The following CYRIB variants were observed in gnomAD, a reference collection of about 807,000 sequenced individuals.
The protein encoded by CYRIB is CYFIP related Rac1 interactor B, also known as CYFIP-related Rac1 interactor B.
CYRIB carries 8 observed loss-of-function variants against 44.2 expected under a neutral mutation model. The observed-to-expected ratio is 0.18, with a 90% CI of 0.11 to 0.33. The LOEUF is 0.33. CYRIB is among the 10% of genes least tolerant of loss of function. The pLI is 1.00. For missense variants in CYRIB, 185 were observed against 382.8 expected, an observed-to-expected ratio of 0.48 and a Z score of 4.31; for synonymous variants, 131 against 127.2, an observed-to-expected ratio of 1.03 and a Z score of -0.20.
At chr8:129,889,115 G>C (rs2134597337) in intron 2 of CYRIB, among the ~76,000 whole-genome samples, 1 of 151,988 alleles carries the variant, frequency 6.6e-6, no homozygotes, top group East Asian at 1.9e-4. Context: ...TAAAATCCTA[G>C]GACCCTTAAG....
chr8:130,006,676 A>T (rs1457853721), intron 1 of CYRIB, among the ~76,000 whole-genome samples: 1 of 136,448 alleles, frequency 7.3e-6, no homozygotes, highest in Non-Finnish European at 1.5e-5. Context: ...ATATATATGT[A>T]TATATATACA....
rs1591337818 is a variant in CYRIB at position 129,965,751 on chromosome 8, G to A, written c.-243+5192C>T. Among the ~76,000 whole-genome samples, 3 of 151,490 alleles carry A rather than the reference G, an allele frequency of 2.0e-5. 1 individual carries two copies. Among genetic ancestry groups the A allele is most frequent in the African/African-American group, 7.3e-5 (3 of 41,322 alleles). On this transcript the variant is annotated intron_variant, in intron 2 of 14. Coordinates refer to the CYRIB transcript ENST00000401979. ...GCAGAGCTTGCAGTGAGCTGAGATC[G>A]CGCCACTGCACTCCAGCCTGGGCGA...
chr8:129,890,820 G>A (rs1564703681), intron 2 of CYRIB, among the ~76,000 whole-genome samples: 1 of 151,938 alleles, frequency 6.6e-6, no homozygotes, highest in East Asian at 1.9e-4. Flanking sequence ...TTGAACACGG[G>A]AGGCGGAGGC....
upstream of CYRIB, among the ~76,000 whole-genome samples, chr8:129,940,698 G>A (rs570492844): frequency 2.0e-5 from 3 of 152,166 alleles, no homozygotes; most frequent in African/African-American, 7.2e-5. Flanking sequence ...CATTAAAGGG[G>A]AAAAGATGAC....
At chr8:130,008,958 G>A (rs891853742) in intron 1 of CYRIB, among the ~76,000 whole-genome samples, 1 of 152,326 alleles carries the variant, frequency 6.6e-6, no homozygotes, top group East Asian at 1.9e-4. Flanking sequence ...CTGAGTCCCA[G>A]CACTGAGGCT....
chr8:129,905,201 G>GGATTGATTGATT (rs3077898), intron 1 of CYRIB, among the ~76,000 whole-genome samples: 45 of 150,502 alleles, frequency 3.0e-4, no homozygotes, highest in South Asian at 1.1e-3. Flanking sequence ...CACCCAGGCT[G>GGATTGATTGATT]GATTGATTGA....
At chr8:129,929,350 T>G (rs926032131) in intron 1 of CYRIB, among the ~76,000 whole-genome samples, 1 of 151,780 alleles carries the variant, frequency 6.6e-6, no homozygotes, top group African/African-American at 2.4e-5. Flanking sequence ...GATAGGAAAG[T>G]GGATGCCTGG....
intron 1 of CYRIB, among the ~76,000 whole-genome samples, chr8:130,015,072 ACAAGGGAGTCAG>A (rs1304695152): frequency 6.6e-6 from 1 of 152,162 alleles, no homozygotes; most frequent in Non-Finnish European, 1.5e-5. Flanking sequence ...GCCCTTTTTC[ACAAGGGAGTCAG>A]TATTTTCACA....
chr8:129,993,744 C>T (rs1362500612), intron 1 of CYRIB, among the ~76,000 whole-genome samples: 2 of 151,870 alleles, frequency 1.3e-5, no homozygotes, highest in African/African-American at 2.4e-5. Context: ...CACCAGTAGT[C>T]CCAGCTACTT....
intron 1 of CYRIB, among the ~76,000 whole-genome samples, chr8:129,997,702 C>A (rs1053151839): frequency 4.6e-5 from 7 of 152,150 alleles, no homozygotes; most frequent in Admixed American, 1.3e-4. Context: ...TTCCCCTCCC[C>A]CTCCTGCCAC....
At chr8:129,976,669 T>G (rs1591567271) in intron 1 of CYRIB, among the ~76,000 whole-genome samples, 1 of 152,184 alleles carries the variant, frequency 6.6e-6, no homozygotes, top group African/African-American at 2.4e-5. Context: ...TTCCAATTTC[T>G]CCCTACGGCT....
At chr8:129,944,969 C>T (rs760493005) in intron 2 of CYRIB, among the ~76,000 whole-genome samples, 5 of 152,160 alleles carry the variant, frequency 3.3e-5, no homozygotes, top group Admixed American at 2.0e-4. Context: ...TAAAGGTCCA[C>T]ATCCTACATG....
chr8:130,015,064 C>T (rs2097310275), intron 1 of CYRIB, among the ~76,000 whole-genome samples: 2 of 152,170 alleles, frequency 1.3e-5, no homozygotes, highest in African/African-American at 4.8e-5. Context: ...GAGTTTAAGC[C>T]CTTTTTCACA....
intron 1 of CYRIB, among the ~76,000 whole-genome samples, chr8:129,937,807 C>G (rs1200684512): frequency 6.6e-6 from 1 of 152,172 alleles, no homozygotes; most frequent in East Asian, 1.9e-4. Context: ...CCCTGACAAA[C>G]AGCTACATCA....
intron 10 of CYRIB, among the ~76,000 whole-genome samples, chr8:129,848,889 T>C (rs1049995535): frequency 2.0e-5 from 3 of 152,216 alleles, no homozygotes; most frequent in East Asian, 1.9e-4. Flanking sequence ...TGACTTTTTA[T>C]ATGCATTCTG....
At chr8:129,900,824 T>C (rs2071265292) in intron 2 of CYRIB, among the ~76,000 whole-genome samples, 2 of 151,826 alleles carry the variant, frequency 1.3e-5, no homozygotes, top group Middle Eastern at 3.2e-3. Flanking sequence ...GGATTACAGG[T>C]GCGCACAACC....
intron 4 of CYRIB, among the ~76,000 whole-genome samples, chr8:129,869,513 C>T (rs889984303): frequency 7.3e-5 from 11 of 151,260 alleles, no homozygotes; most frequent in Non-Finnish European, 1.6e-4. Flanking sequence ...ACAATTTAAA[C>T]TAATTTGTAG....
Position 129,938,047 on chromosome 8 carries a change from T to C in CYRIB, c.-50+1561A>G, listed in dbSNP as rs532987581. Among the ~76,000 whole-genome samples the C allele has an allele frequency of 2.0e-5, 3 of 152,158 alleles. No individual in the cohort carries two copies. In the East Asian group the frequency reaches 5.8e-4, roughly 29 times the overall value. Reference sequence around the variant, plus strand: ...ATAAATACTTACAGCAATAGCACCATCATAATGATATGCAGGTAGGTGTAC... The same window carrying C: ...ATAAATACTTACAGCAATAGCACCACCATAATGATATGCAGGTAGGTGTAC... On this transcript the variant is annotated intron_variant, in intron 1 of 11. Coordinates refer to ENST00000519824, the Ensembl canonical transcript of CYRIB.
chr8:129,936,063 C>G (rs1032839224), intron 1 of CYRIB, among the ~76,000 whole-genome samples: 8 of 152,056 alleles, frequency 5.3e-5, no homozygotes, highest in African/African-American at 1.9e-4. Context: ...GAGTACAGAA[C>G]AAGTGAACAT....
Sources: gnomAD v4.1 joint callset for allele counts (sites outside exome capture counted in the v4.1 genomes callset) on GRCh38, gnomAD v4.1.1 for gene constraint, MANE v1.5 for transcripts, NCBI Gene and HGNC (gene_info 2026-07-23, HGNC 2026-07-21) for gene names.